Variants in DISC1 observed in about 807,000 individuals in gnomAD.
DISC1 encodes the protein disrupted in schizophrenia 1 protein.
DISC1 carries 57 observed loss-of-function variants against 84.5 expected under a neutral mutation model. The ratio of observed to expected loss-of-function variants is 0.67; its 90% confidence interval spans 0.55 to 0.84. The LOEUF (loss-of-function observed/expected upper bound fraction) is 0.84, where lower values mean the gene tolerates loss of function less well. DISC1 is among the 40% of genes least tolerant of loss of function. DISC1 has a pLI of 0.00. For synonymous variants in DISC1, 411 were observed against 415.2 expected, an observed-to-expected ratio of 0.99 and a Z score of 0.12; for missense variants, 1,000 against 1,057.8, an observed-to-expected ratio of 0.95 and a Z score of 0.76.
At position 231,770,883 on chromosome 1, in the gene DISC1, G is replaced by T. The variant is rs866607052; in HGVS notation, c.1447G>T (p.Asp483Tyr). The change falls in exon 6 of 13, where the codon GAT becomes TAT. Residue 483 changes from aspartate (D) to tyrosine (Y), a missense_variant. Asp to Tyr is a radical substitution (Grantham distance 160). Coordinates refer to ENST00000439617, the MANE Select transcript of DISC1 (RefSeq NM_018662.3). ...QARMFVLEAKDQQLRREIEEQ... is the reference protein window; with the variant it reads ...QARMFVLEAKYQQLRREIEEQ... ...AAGGATGTTTGTGCTGGAAGCCAAA[G>T]ATCAACAGCTGAGAAGGGAAATAGA... is the stretch of plus-strand genomic sequence containing the variant. 1 of 1,614,214 alleles carries T rather than the reference G, an allele frequency of 6.2e-7. No individual in the cohort carries two copies. The highest frequency in any genetic ancestry group is 8.5e-7 in the Non-Finnish European group (1 of 1,180,038).
At chr1:232,016,441 C>T (rs1302747946) in intron 11 of DISC1, among the ~76,000 whole-genome samples, 3 of 152,104 alleles carry the variant, frequency 2.0e-5, no homozygotes, top group Non-Finnish European at 1.5e-5. Flanking sequence ...AGGTACTAGC[C>T]GGTGCCATGA....
intron 2 of DISC1, among the ~76,000 whole-genome samples, chr1:231,696,274 G>T (rs184179847): frequency 2.6e-5 from 4 of 152,202 alleles, no homozygotes; most frequent in African/African-American, 7.2e-5. Flanking sequence ...ACCTTCCTGC[G>T]GTGTTTCTCT....
chr1:231,763,790 G>T (rs1167110286), intron 4 of DISC1, among the ~76,000 whole-genome samples: 1 of 152,196 alleles, frequency 6.6e-6, no homozygotes, highest in African/African-American at 2.4e-5. Flanking sequence ...TGATGCATTT[G>T]TCTCTCCTGC....
In DISC1 at chr1:232,037,650, G is replaced by C. The variant is rs150006709; in HGVS notation, c.*819G>C. 0.014 allele frequency: 2,180 copies of C among 152,350 alleles called. 20 individuals carry two copies. The highest frequency in any genetic ancestry group is 0.022 in the Non-Finnish European group (1,480 of 68,082). The allele number at this position is 152,350 out of a possible 1,614,324, so 9.4% of individuals were successfully genotyped here. On this transcript the variant is annotated 3_prime_UTR_variant, in exon 13 of 13. Transcript: ENST00000439617. ...GTGCAGCATTTAGGAAAGCAGTGCA[G>C]TACTCAGTAAGGCAGTGCAGTACTC...
At chr1:231,641,392 G>A (rs2059653283) in intron 1 of DISC1, among the ~76,000 whole-genome samples, 1 of 152,124 alleles carries the variant, frequency 6.6e-6, no homozygotes, top group Admixed American at 6.5e-5. Flanking sequence ...AGCTCTTAAG[G>A]CGGCGCGTCT....
At chr1:231,915,867 C>T (rs1357025676) in intron 9 of DISC1, among the ~76,000 whole-genome samples, 7 of 152,174 alleles carry the variant, frequency 4.6e-5, no homozygotes, top group Admixed American at 3.9e-4. Context: ...CAGGCTCTGG[C>T]CAGGCTCAGT....
intron 10 of DISC1, among the ~76,000 whole-genome samples, chr1:231,960,222 G>A (rs146714688): frequency 2.2e-4 from 34 of 152,174 alleles, no homozygotes; most frequent in Non-Finnish European, 2.9e-4. Flanking sequence ...TAGTAGGCAC[G>A]CATTAGTTTC....
chr1:231,996,146 G>A (rs1235483360), intron 10 of DISC1, among the ~76,000 whole-genome samples: 1 of 152,182 alleles, frequency 6.6e-6, no homozygotes, highest in Non-Finnish European at 1.5e-5. Flanking sequence ...CTTCTTTTGA[G>A]AAGTGTCTGT....
intron 6 of DISC1, among the ~76,000 whole-genome samples, chr1:231,775,884 G>A (rs1036719541): frequency 1.4e-4 from 22 of 151,876 alleles, no homozygotes; most frequent in African/African-American, 5.3e-4. Context: ...ACCCCCTGCT[G>A]ACTGCATTCC....
intron 9 of DISC1, among the ~76,000 whole-genome samples, chr1:231,911,504 C>G (rs985406859): frequency 1.3e-5 from 2 of 152,130 alleles, no homozygotes; most frequent in African/African-American, 4.8e-5. Context: ...AATATTGGCC[C>G]CCACTCTTCT....
intron 9 of DISC1, among the ~76,000 whole-genome samples, chr1:231,869,039 TGCTGGACCCATAATGAGAA>T (rs1010184699): frequency 7.9e-5 from 12 of 152,050 alleles, no homozygotes; most frequent in African/African-American, 2.9e-4. Flanking sequence ...GAAGCCACGT[TGCTGGACCCATAATGAGAA>T]GCTTCAGAAG....
At chr1:232,001,271 G>T (rs1047505987) in intron 10 of DISC1, among the ~76,000 whole-genome samples, 1 of 151,950 alleles carries the variant, frequency 6.6e-6, no homozygotes, top group Non-Finnish European at 1.5e-5. Flanking sequence ...TAGAGATGGG[G>T]TTTCACCATA....
At chr1:231,875,708 T>C (rs1040335130) in intron 9 of DISC1, among the ~76,000 whole-genome samples, 3 of 152,208 alleles carry the variant, frequency 2.0e-5, no homozygotes, top group Admixed American at 1.3e-4. Context: ...ATGGTCATTT[T>C]CACTCTCCTG....
rs143227876 is a variant in DISC1 at position 231,877,032 on chromosome 1, G to A, written c.1981+58515G>A. 3.3e-3 allele frequency among the ~76,000 whole-genome samples: 497 copies of A among 152,312 alleles called. 3 individuals carry two copies. Among genetic ancestry groups the A allele is most frequent in the African/African-American group, 0.012 (482 of 41,576 alleles). On this transcript the variant is annotated intron_variant, in intron 9 of 12. Coordinates refer to ENST00000439617, the MANE Select transcript of DISC1 (RefSeq NM_018662.3). ...CAAAGGGCCACTCTGGAGGGAGAGC[G>A]GAGAGCAGACTGGGGTTACATGATC...
intron 8 of DISC1, among the ~76,000 whole-genome samples, chr1:231,804,759 G>C (rs1425792437): frequency 2.0e-5 from 3 of 152,190 alleles, no homozygotes; most frequent in Non-Finnish European, 4.4e-5. Flanking sequence ...TATAGGATTA[G>C]TATTGTGGTA....
chr1:231,717,330 A>G (rs2068889146), intron 3 of DISC1, among the ~76,000 whole-genome samples: 1 of 152,228 alleles, frequency 6.6e-6, no homozygotes, highest in African/African-American at 2.4e-5. Flanking sequence ...AGGGCATCTC[A>G]CGAGTGGGTA....
chr1:231,842,060 T>G (rs116835409), intron 9 of DISC1, among the ~76,000 whole-genome samples: 5,130 of 152,182 alleles, frequency 0.034, 206 homozygotes, highest in African/African-American at 0.099. Flanking sequence ...AGTCCAGTGG[T>G]GCAACCATGA....
chr1:231,670,934 T>C (rs1417332376), intron 1 of DISC1, among the ~76,000 whole-genome samples: 1 of 152,228 alleles, frequency 6.6e-6, no homozygotes, highest in African/African-American at 2.4e-5. Context: ...CTTTATAATG[T>C]CTGCCAACCT....
chr1:231,819,274 G>GA (rs1168076985), intron 9 of DISC1: 1 of 567,976 alleles, frequency 1.8e-6, no homozygotes, highest in African/African-American at 2.0e-5. Context: ...GAAGAAATAA[G>GA]AAAAAACGGG....
Sources: gnomAD v4.1 joint callset for allele counts (sites outside exome capture counted in the v4.1 genomes callset) on GRCh38, gnomAD v4.1.1 for gene constraint, MANE v1.5 for transcripts, NCBI Gene and HGNC (gene_info 2026-07-23, HGNC 2026-07-21) for gene names.